Variants in EPHB2 observed in about 807,000 individuals in gnomAD.
The protein encoded by EPHB2 is EPH receptor B2.
In EPHB2, 18 loss-of-function variants were observed where a neutral mutation model predicts 96.4. The observed-to-expected ratio is 0.19, with a 90% CI of 0.13 to 0.28. EPHB2 has a LOEUF of 0.28. Ranked by LOEUF, EPHB2 falls within the 10% of genes least tolerant of loss-of-function variation. The pLI, the probability that EPHB2 is intolerant of heterozygous loss-of-function variation, is 1.00. For synonymous variants in EPHB2, 506 were observed against 534.1 expected, an observed-to-expected ratio of 0.95 and a Z score of 0.72; for missense variants, 989 against 1,355.4, an observed-to-expected ratio of 0.73 and a Z score of 4.25.
chr1:22,888,693 C>T (rs1475983413), intron 6 of EPHB2, among the ~76,000 whole-genome samples: 2 of 152,172 alleles, frequency 1.3e-5, no homozygotes, highest in Admixed American at 1.3e-4. Context: ...TGGCGTCTCT[C>T]GGGCATCTCC....
chr1:22,722,365 TTGC>T (rs1643486933), intron 1 of EPHB2, among the ~76,000 whole-genome samples: 1 of 152,228 alleles, frequency 6.6e-6, no homozygotes, highest in Non-Finnish European at 1.5e-5. Flanking sequence ...CAAACCATGT[TTGC>T]TGGCTGGATT....
rs764999265 is a variant in EPHB2 at position 22,908,057 on chromosome 1, G to A, written c.2241G>A (p.Leu747=). ...LADMNYVHRD[L]AARNILVNSN... is the part of the protein sequence containing the mutation. ...ACATGAACTATGTTCACCGTGACCT[G>A]GCTGCCCGCAACATCCTCGTCAACA... Residue 747 remains leucine, a synonymous_variant, in exon 12 of 16, where the codon CTG becomes CTA. Coordinates refer to ENST00000374630, the MANE Select transcript of EPHB2 (RefSeq NM_017449.5). 1.9e-6 allele frequency: 3 copies of A among 1,614,236 alleles called. No homozygotes were observed. In the South Asian group the frequency reaches 3.3e-5, roughly 18 times the overall value.
chr1:22,797,392 G>A (rs1163577594), intron 3 of EPHB2, among the ~76,000 whole-genome samples: 1 of 152,068 alleles, frequency 6.6e-6, no homozygotes, highest in Non-Finnish European at 1.5e-5. Context: ...CCCTCTTCTG[G>A]GACCTCACTG....
chr1:22,907,659 A>G (rs1639961174), intron 11 of EPHB2, among the ~76,000 whole-genome samples: 1 of 152,230 alleles, frequency 6.6e-6, no homozygotes, highest in African/African-American at 2.4e-5. Context: ...TAACACACAG[A>G]TGAGGAAACT....
chr1:22,898,739 C>T (rs951811827), intron 9 of EPHB2, among the ~76,000 whole-genome samples: 11 of 152,166 alleles, frequency 7.2e-5, no homozygotes, highest in Non-Finnish European at 1.5e-4. Flanking sequence ...GTGGCCAGAC[C>T]GAGTGGCAGG....
chr1:22,756,364 C>A (rs1644149833), intron 1 of EPHB2, among the ~76,000 whole-genome samples: 1 of 151,924 alleles, frequency 6.6e-6, no homozygotes, highest in Non-Finnish European at 1.5e-5. Context: ...GGGACGGTCC[C>A]CTGGGAGAAG....
intron 3 of EPHB2, among the ~76,000 whole-genome samples, chr1:22,799,081 A>G (rs565573473): frequency 1.2e-4 from 19 of 152,286 alleles, no homozygotes; most frequent in African/African-American, 4.3e-4. Flanking sequence ...TGAATAGTGC[A>G]GGAGCAGCTC....
chr1:22,911,010 T>C (rs1640081609), intron 14 of EPHB2, among the ~76,000 whole-genome samples: 2 of 151,952 alleles, frequency 1.3e-5, no homozygotes, highest in Admixed American at 1.3e-4. Context: ...CCTGGTGGTG[T>C]GCACCTGTAA....
At chr1:22,763,411 G>A (rs1012828278) in intron 1 of EPHB2, among the ~76,000 whole-genome samples, 1 of 152,118 alleles carries the variant, frequency 6.6e-6, no homozygotes, top group Admixed American at 6.5e-5. Flanking sequence ...GGGCCCACCA[G>A]GGCCCAGTCA....
At chr1:22,801,003 A>G (rs576754647) in intron 3 of EPHB2, among the ~76,000 whole-genome samples, 9 of 152,174 alleles carry the variant, frequency 5.9e-5, no homozygotes, top group Non-Finnish European at 1.3e-4. Flanking sequence ...ACACACACAT[A>G]TACCCACAGG....
At chr1:22,819,205 GTCTCTC>G (rs71020453) in intron 3 of EPHB2, among the ~76,000 whole-genome samples, 9,514 of 103,390 alleles carry the variant, frequency 0.092, 473 homozygotes, top group Non-Finnish European at 0.11. Flanking sequence ...CCCAGCAGAT[GTCTCTC>G]TCTCTCTCTC....
chr1:22,826,791 G>A (rs1033584071), intron 3 of EPHB2, among the ~76,000 whole-genome samples: 1 of 151,504 alleles, frequency 6.6e-6, no homozygotes, highest in Non-Finnish European at 1.5e-5. Context: ...CTCCCTCCTT[G>A]TCTGGCCCTG....
Position 22,913,786 on chromosome 1 carries a change from T to A in EPHB2, c.*216T>A, listed in dbSNP as rs1375131854. The A allele has an allele frequency of 1.9e-6, 3 of 1,608,632 alleles. No homozygotes were observed. Among genetic ancestry groups the A allele is most frequent in the Non-Finnish European group, 2.5e-6 (3 of 1,177,532 alleles). On this transcript the variant is annotated 3_prime_UTR_variant, in exon 16 of 16. Transcript: ENST00000374630. The surrounding 1 kb of genome is among the most constrained non-coding windows in gnomAD (Gnocchi z 4.1). Reference sequence around the variant, plus strand: ...AGGGAATGGGAAAAAAGAAAACAGATCCTGGGAGGGGGCGGGAAATACAAG... The same window carrying A: ...AGGGAATGGGAAAAAAGAAAACAGAACCTGGGAGGGGGCGGGAAATACAAG...
At chr1:22,783,777 C>T (rs1370143524) in intron 2 of EPHB2, among the ~76,000 whole-genome samples, 2 of 152,146 alleles carry the variant, frequency 1.3e-5, no homozygotes, top group Non-Finnish European at 2.9e-5. Context: ...GGAGTACTCT[C>T]CCCAGGCAGG....
At chr1:22,896,630 A>T (rs1345349682) in intron 9 of EPHB2, 152 bp downstream of exon 9, 38 of 977,608 alleles carry the variant, frequency 3.9e-5, no homozygotes, top group Middle Eastern at 2.0e-4. Context: ...TCTCACCTCT[A>T]GGCCTTTGCA....
At chr1:22,725,191 C>A (rs1643555531) in intron 1 of EPHB2, among the ~76,000 whole-genome samples, 1 of 152,158 alleles carries the variant, frequency 6.6e-6, no homozygotes, top group Non-Finnish European at 1.5e-5. Flanking sequence ...GTTGGATGAG[C>A]AGCTCAGCTG....
chr1:22,902,155 G>A (rs780103111), intron 9 of EPHB2, among the ~76,000 whole-genome samples: 30 of 152,076 alleles, frequency 2.0e-4, no homozygotes, highest in African/African-American at 2.7e-4. Flanking sequence ...CAATTTCCTC[G>A]TCTGAAAAAC....
chr1:22,786,530 T>C (rs1644613215), intron 3 of EPHB2, among the ~76,000 whole-genome samples: 1 of 152,190 alleles, frequency 6.6e-6, no homozygotes, highest in Non-Finnish European at 1.5e-5. Context: ...CCTTACGTGA[T>C]AAAATGCTTG....
intron 15 of EPHB2, chr1:22,912,957 G>A (rs1398236810): frequency 1.1e-5 from 4 of 364,456 alleles, no homozygotes; most frequent in Non-Finnish European, 2.1e-5. Flanking sequence ...TACATTGGGA[G>A]GCCGAGGCGG....
Sources: allele counts gnomAD v4.1 joint callset (sites outside exome capture counted in the v4.1 genomes callset), GRCh38; gene constraint gnomAD v4.1.1; non-coding constraint Gnocchi (gnomAD v3.1); transcripts MANE v1.5; gene names NCBI Gene and HGNC (gene_info 2026-07-23, HGNC 2026-07-21).